MRPL48: variants seen among roughly 807,000 people sequenced by gnomAD.
The protein encoded by MRPL48 is mitochondrial ribosomal protein L48, also known as large ribosomal subunit protein mL48.
Under a neutral mutation model 32.9 loss-of-function variants are expected in MRPL48, and 16 were observed. The observed-to-expected ratio is 0.49, with a 90% CI of 0.33 to 0.74. The LOEUF (loss-of-function observed/expected upper bound fraction) is 0.74, where lower values mean the gene tolerates loss of function less well. Among genes scored for constraint, MRPL48 ranks in the 30% least tolerant of loss-of-function variants. MRPL48 has a pLI of 0.02. For synonymous variants in MRPL48, 94 were observed against 89.2 expected (o/e 1.05, Z -0.31); for missense variants, 206 against 245.3 (o/e 0.84, Z 1.07).
At chr11:73,834,138 C>G (rs1156267287) in intron 4 of MRPL48, among the ~76,000 whole-genome samples, 1 of 152,050 alleles carries the variant, frequency 6.6e-6, no homozygotes, top group Non-Finnish European at 1.5e-5. Context: ...TGTGAGCCAC[C>G]ACAGCTGGCC....
At chr11:73,809,131 G>A (rs1348985601) in intron 3 of MRPL48, among the ~76,000 whole-genome samples, 1 of 151,922 alleles carries the variant, frequency 6.6e-6, no homozygotes, top group Non-Finnish European at 1.5e-5. Flanking sequence ...GCAAGATCCT[G>A]TCTCTTAAAT....
At position 73,807,804 on chromosome 11, in the gene MRPL48, A is replaced by T. The variant is rs1367931807; in HGVS notation, c.75-509A>T. Among the ~76,000 whole-genome samples the T allele has an allele frequency of 2.6e-5, 4 of 151,866 alleles. No individual in the cohort carries two copies. In the East Asian group the frequency reaches 7.7e-4, roughly 29 times the overall value. ...AGGTGCCCACCACCAAACCCGGGTAATTTTTTGTATTTTTAGTAGAGACGG... is the reference window on the plus strand; with the variant it reads ...AGGTGCCCACCACCAAACCCGGGTATTTTTTTGTATTTTTAGTAGAGACGG... On this transcript the variant is annotated intron_variant, in intron 2 of 7. Coordinates refer to ENST00000310614, the MANE Select transcript of MRPL48 (RefSeq NM_016055.6).
At chr11:73,815,080 TAATG>T (rs567976477) in intron 3 of MRPL48, among the ~76,000 whole-genome samples, 7 of 152,178 alleles carry the variant, frequency 4.6e-5, no homozygotes, top group Non-Finnish European at 8.8e-5. Flanking sequence ...TTCTGCCTCT[TAATG>T]AATGAATGAA....
intron 1 of MRPL48, among the ~76,000 whole-genome samples, chr11:73,795,664 G>A (rs889314915): frequency 1.2e-4 from 16 of 129,096 alleles, no homozygotes; most frequent in African/African-American, 3.7e-4. Context: ...CCGCCACCAC[G>A]CCCAGCTAAT....
intron 3 of MRPL48, among the ~76,000 whole-genome samples, chr11:73,820,904 C>T (rs971195329): frequency 1.3e-5 from 2 of 152,144 alleles, no homozygotes; most frequent in African/African-American, 4.8e-5. Context: ...TTCACAGAGG[C>T]CTTCCCTGAT....
Position 73,824,840 on chromosome 11 carries a change from A to G in MRPL48, c.113-868A>G, listed in dbSNP as rs550513994. On this transcript the variant is annotated intron_variant, in intron 3 of 7. Transcript: ENST00000310614. ...TGGCTTTATCAGGAGAGAATTTCTCAAAGAAAGATGAGTAGTGGGGATCGT... is the reference window on the plus strand; with the variant it reads ...TGGCTTTATCAGGAGAGAATTTCTCGAAGAAAGATGAGTAGTGGGGATCGT... Among the ~76,000 whole-genome samples the G allele has an allele frequency of 1.4e-4, 21 of 152,284 alleles. No individual in the cohort carries two copies. In the East Asian group the frequency reaches 3.5e-3, roughly 25 times the overall value.
rs902378254 is a variant in MRPL48, at chr11:73,825,713, A to G, written c.118A>G (p.Ile40Val). Residue 40 changes from isoleucine (I) to valine (V), a missense_variant, in exon 4 of 8, where the codon ATT becomes GTT. Coordinates refer to ENST00000310614, the MANE Select transcript of MRPL48 (RefSeq NM_016055.6). ...TCTTATTTTCTCTCTTTTAGGTGGA[A>G]TTCTACTAAGTATCAGTCGGCCCTA... ...GEKPIYSVGG[I>V]LLSISRPYKT... 3.2e-6 allele frequency: 5 copies of G among 1,559,722 alleles called. No individual in the cohort carries two copies. In the African/African-American group the frequency reaches 5.5e-5, roughly 17 times the overall value.
intron 5 of MRPL48, among the ~76,000 whole-genome samples, chr11:73,858,798 A>C (rs1042387606): frequency 6.6e-6 from 1 of 152,234 alleles, no homozygotes; most frequent in African/African-American, 2.4e-5. Context: ...TTCTCTGTTG[A>C]TAATAGGCCT....
intron 5 of MRPL48, 176 bp downstream of exon 5, chr11:73,845,152 G>A: frequency 1.7e-6 from 1 of 578,518 alleles, no homozygotes; most frequent in Non-Finnish European, 2.7e-6. Context: ...GTTCTTTGGT[G>A]CCCTGGTGTA....
chr11:73,843,239 C>T (rs11235926), intron 4 of MRPL48: 64,595 of 124,330 alleles, frequency 0.52, 15,922 homozygotes, highest in African/African-American at 0.71. Context: ...TTTTTTTTTT[C>T]CCTTGAGATG....
chr11:73,823,113 T>C (rs932970292), intron 3 of MRPL48: 6 of 333,782 alleles, frequency 1.8e-5, no homozygotes, highest in African/African-American at 1.3e-4. Flanking sequence ...AATGTAATAA[T>C]AATATAAATA....
At chr11:73,811,197 C>T (rs890465842) in intron 3 of MRPL48, among the ~76,000 whole-genome samples, 17 of 151,852 alleles carry the variant, frequency 1.1e-4, no homozygotes, top group African/African-American at 3.9e-4. Flanking sequence ...TACTGAGAGA[C>T]CAGGAAAAAC....
At chr11:73,833,346 C>G (rs55637176) in intron 4 of MRPL48, among the ~76,000 whole-genome samples, 8,352 of 151,966 alleles carry the variant, frequency 0.055, 250 homozygotes, top group Middle Eastern at 0.11. Context: ...GTCTGCAGCC[C>G]CTGGGAGTCT....
intron 4 of MRPL48, among the ~76,000 whole-genome samples, chr11:73,827,172 G>A (rs1332070115): frequency 6.6e-6 from 1 of 151,864 alleles, no homozygotes; most frequent in Non-Finnish European, 1.5e-5. Flanking sequence ...ATCTCTTGAG[G>A]TTGAGTTCAA....
intron 3 of MRPL48, among the ~76,000 whole-genome samples, chr11:73,825,284 A>ATATGTG (rs146232365): frequency 0.025 from 3,476 of 139,844 alleles, 56 homozygotes; most frequent in Middle Eastern, 0.043. Flanking sequence ...TTTTTTATAT[A>ATATGTG]TGTGTGTGTG....
chr11:73,858,911 A>G (rs1386964101), intron 5 of MRPL48, among the ~76,000 whole-genome samples: 1 of 152,236 alleles, frequency 6.6e-6, no homozygotes, highest in Non-Finnish European at 1.5e-5. Context: ...ACTTGACTCC[A>G]TGTTCCGTGT....
chr11:73,831,270 G>GGCATGACATTATT (rs1378159394), intron 4 of MRPL48, among the ~76,000 whole-genome samples: 1 of 152,056 alleles, frequency 6.6e-6, no homozygotes, highest in Non-Finnish European at 1.5e-5. Flanking sequence ...TTTTTCTCAG[G>GGCATGACATTATT]TGGCAGCATG....
chr11:73,848,335 A>G (rs1590996546), intron 5 of MRPL48, among the ~76,000 whole-genome samples: 1 of 152,184 alleles, frequency 6.6e-6, no homozygotes. Flanking sequence ...ATATGCTTAC[A>G]CCTGTACCCA....
chr11:73,844,780 TTC>T, intron 4 of MRPL48, 25 bp from the exon 5 acceptor site: 1 of 1,596,542 alleles, frequency 6.3e-7, no homozygotes, highest in Non-Finnish European at 8.5e-7. Flanking sequence ...ATACTTTATT[TTC>T]TTTCTCTCTT....
Sources: allele counts gnomAD v4.1 joint callset (sites outside exome capture counted in the v4.1 genomes callset), GRCh38; gene constraint gnomAD v4.1.1; transcripts MANE v1.5; gene names NCBI Gene and HGNC (gene_info 2026-07-23, HGNC 2026-07-21).